The following SMIM35 variants were observed in gnomAD, a reference collection of about 807,000 sequenced individuals.
SMIM35 encodes the protein TMPRSS4 antisense RNA 1 (non-protein coding).
Position 118,044,684 on chromosome 11 carries a change from G to A in SMIM35, c.8-28875C>T, listed in dbSNP as rs1258325037. ...AGCTACTCCGGAGGCTGAGGCAGGA[G>A]AGTTGCTTGAACCCATGAGGCAGAG... On this transcript the variant is annotated intron_variant, in intron 1 of 4. Transcript: ENST00000689828. Among the ~76,000 whole-genome samples the A allele has an allele frequency of 2.0e-5, 3 of 150,328 alleles. No homozygotes were observed. The East Asian group carries it at 5.9e-4, about 30-fold the overall frequency.
Position 118,045,729 on chromosome 11 carries a change from A to ACT in SMIM35, c.8-29922_8-29921dup, listed in dbSNP as rs1280853098. 8.5e-5 allele frequency among the ~76,000 whole-genome samples: 13 copies of ACT among 152,156 alleles called. No individual in the cohort carries two copies. In the East Asian group the frequency reaches 1.9e-3, roughly 23 times the overall value. On this transcript the variant is annotated intron_variant, in intron 1 of 4. Coordinates refer to ENST00000689828, the MANE Select transcript of SMIM35 (RefSeq NM_001394165.1). ...TTACTGCTCTCTAAACTTTACCTTC[A>ACT]CTCTCTCTCTGATAATGTACAGCTC...
intron 1 of SMIM35, chr11:118,025,967 G>A (rs2058270895): frequency 3.3e-6 from 1 of 307,460 alleles, no homozygotes; most frequent in Non-Finnish European, 6.2e-6. Context: ...GTTAACTTTT[G>A]TATATGGTGA....
At chr11:118,028,935 A>C (rs2058295981) in intron 1 of SMIM35, 1 of 421,742 alleles carries the variant, frequency 2.4e-6, no homozygotes, top group African/African-American at 2.1e-5. Flanking sequence ...AAATAAGAGG[A>C]AGAGGAGGAG....
At chr11:118,062,259 G>C (rs933814224) in intron 1 of SMIM35, among the ~76,000 whole-genome samples, 3 of 152,244 alleles carry the variant, frequency 2.0e-5, no homozygotes, top group African/African-American at 7.2e-5. Context: ...GAACCCTGGT[G>C]GTGGAGGTTG....
intron 1 of SMIM35, among the ~76,000 whole-genome samples, chr11:118,022,936 T>A (rs990009868): frequency 2.6e-5 from 4 of 151,322 alleles, no homozygotes; most frequent in Non-Finnish European, 1.5e-5. Flanking sequence ...TTATTTCCAC[T>A]ACACTGGGTC....
chr11:118,029,855 C>CTCCT, intron 1 of SMIM35: 1 of 453,430 alleles, frequency 2.2e-6, no homozygotes, highest in Non-Finnish European at 4.4e-6. Context: ...TAGCATCTGC[C>CTCCT]TCCTGCATTG....
chr11:118,066,596 A>G (rs539893669), intron 1 of SMIM35, among the ~76,000 whole-genome samples: 1 of 152,338 alleles, frequency 6.6e-6, no homozygotes, highest in South Asian at 2.1e-4. Context: ...ATACATTACC[A>G]TCACTAGCCA....
chr11:118,009,440 G>T (rs1366365378), intron 4 of SMIM35, among the ~76,000 whole-genome samples: 3 of 152,166 alleles, frequency 2.0e-5, no homozygotes, highest in Non-Finnish European at 2.9e-5. Context: ...ATAAGCCTCT[G>T]CCCTGCACTG....
intron 1 of SMIM35, among the ~76,000 whole-genome samples, chr11:118,035,101 G>A (rs1044660808): frequency 2.0e-5 from 3 of 151,946 alleles, no homozygotes; most frequent in African/African-American, 7.3e-5. Context: ...GTAGGCATCC[G>A]CCATTGTGCC....
chr11:118,020,368 A>T (rs531917173), intron 1 of SMIM35, among the ~76,000 whole-genome samples: 2 of 152,350 alleles, frequency 1.3e-5, no homozygotes, highest in Non-Finnish European at 1.5e-5. Flanking sequence ...TATTCTGAGT[A>T]CTTTTCTCTT....
chr11:118,009,930 G>A (rs919828574), intron 4 of SMIM35, among the ~76,000 whole-genome samples: 8 of 152,204 alleles, frequency 5.3e-5, no homozygotes, highest in East Asian at 3.9e-4. Context: ...TCATCCTTAC[G>A]CCCTGATGTC....
chr11:118,040,044 C>CAAA lies in SMIM35; in HGVS notation c.8-24238_8-24236dup, dbSNP rs35273108. Among the ~76,000 whole-genome samples the CAAA allele has an allele frequency of 1.4e-3, 140 of 102,148 alleles. 1 individual carries two copies. Among genetic ancestry groups the CAAA allele is most frequent in the South Asian group, 7.2e-3 (21 of 2,936 alleles). 67.0% of individuals were successfully genotyped at this position (102,148 alleles called of 152,430 possible). On this transcript the variant is annotated intron_variant, in intron 1 of 4. Coordinates refer to ENST00000689828, the MANE Select transcript of SMIM35 (RefSeq NM_001394165.1). ...TGGGTAACAAAGCAAGACCTTATCT[C>CAAA]AAAAAAAAAAAAAAAAAAAAAATCA...
At chr11:118,084,192 T>A (rs1383101583) in intron 1 of SMIM35, among the ~76,000 whole-genome samples, 1 of 152,174 alleles carries the variant, frequency 6.6e-6, no homozygotes, top group East Asian at 1.9e-4. Flanking sequence ...CTGAGTTTCT[T>A]GGTGGTTCAA....
chr11:118,011,351 G>C (rs2058149682), intron 4 of SMIM35, among the ~76,000 whole-genome samples: 1 of 152,222 alleles, frequency 6.6e-6, no homozygotes, highest in African/African-American at 2.4e-5. Context: ...GCCGGGCATG[G>C]ACTGCAGACC....
intron 1 of SMIM35, among the ~76,000 whole-genome samples, chr11:118,076,140 A>C (rs1944678933): frequency 6.6e-6 from 1 of 152,192 alleles, no homozygotes; most frequent in Admixed American, 6.5e-5. Context: ...GTGGCGCACA[A>C]CACCTGTAAT....
intron 3 of SMIM35, 33 bp downstream of exon 3, chr11:118,014,675 C>T (rs997100639): frequency 5.0e-6 from 2 of 398,796 alleles, no homozygotes; most frequent in South Asian, 1.3e-4. Context: ...CCCCAACCCC[C>T]ACCTCACCCA....
intron 1 of SMIM35, among the ~76,000 whole-genome samples, chr11:118,021,335 G>A (rs675929): frequency 0.43 from 66,012 of 151,754 alleles, 16,902 homozygotes; most frequent in African/African-American, 0.72. Flanking sequence ...TTTTTTCTGG[G>A]CCTATCTTCT....
At chr11:118,007,556 C>G (rs149800387) in intron 4 of SMIM35, among the ~76,000 whole-genome samples, 27 of 152,240 alleles carry the variant, frequency 1.8e-4, no homozygotes, top group African/African-American at 5.8e-4. Flanking sequence ...CCACCATGCC[C>G]AGCTAACTTT....
intron 1 of SMIM35, among the ~76,000 whole-genome samples, chr11:118,058,805 C>T (rs1350724979): frequency 1.3e-5 from 2 of 152,208 alleles, no homozygotes; most frequent in East Asian, 3.8e-4. Flanking sequence ...GGGAGCTGTC[C>T]TTCTGCAGAA....
Sources: gnomAD v4.1 joint callset for allele counts (sites outside exome capture counted in the v4.1 genomes callset) on GRCh38, gnomAD v4.1.1 for gene constraint, MANE v1.5 for transcripts, NCBI Gene and HGNC (gene_info 2026-07-23, HGNC 2026-07-21) for gene names.